The following PRKCE variants were observed in gnomAD, a reference collection of about 807,000 sequenced individuals.
PRKCE encodes the protein protein kinase C epsilon type.
PRKCE carries 16 observed loss-of-function variants against 85.4 expected under a neutral mutation model. That is an observed-to-expected ratio of 0.19 (90% CI 0.13 to 0.28). The LOEUF (loss-of-function observed/expected upper bound fraction) is 0.28. Among genes scored for constraint, PRKCE ranks in the 10% least tolerant of loss-of-function variants. PRKCE has a pLI of 1.00. For missense variants in PRKCE, 573 were observed against 975.2 expected, an observed-to-expected ratio of 0.59 and a Z score of 5.49; for synonymous variants, 388 against 371.5, an observed-to-expected ratio of 1.04 and a Z score of -0.51.
At chr2:45,823,275 C>T (rs1170564397) in intron 1 of PRKCE, among the ~76,000 whole-genome samples, 1 of 152,228 alleles carries the variant, frequency 6.6e-6, no homozygotes, top group Non-Finnish European at 1.5e-5. Flanking sequence ...AAACGACACA[C>T]CTGGATCTAT....
At chr2:45,744,501 T>TCC (rs1682946194) in intron 1 of PRKCE, among the ~76,000 whole-genome samples, 1 of 28,810 alleles carries the variant, frequency 3.5e-5, no homozygotes, top group Non-Finnish European at 7.4e-5. Flanking sequence ...CTTTCTTTCT[T>TCC]TTCTTTCTTT....
intron 2 of PRKCE, among the ~76,000 whole-genome samples, chr2:45,942,676 G>A (rs1378524517): frequency 6.6e-6 from 1 of 152,160 alleles, no homozygotes; most frequent in Admixed American, 6.5e-5. Flanking sequence ...GTGCTTTGTT[G>A]TGTAAGCACG....
intron 1 of PRKCE, among the ~76,000 whole-genome samples, chr2:45,667,048 T>A (rs978075736): frequency 6.6e-6 from 1 of 152,130 alleles, no homozygotes; most frequent in African/African-American, 2.4e-5. Context: ...CAGTGGCTCA[T>A]GCCTGTAATC....
At chr2:45,952,823 T>C (rs1315514285) in intron 2 of PRKCE, among the ~76,000 whole-genome samples, 1 of 152,238 alleles carries the variant, frequency 6.6e-6, no homozygotes, top group Non-Finnish European at 1.5e-5. Context: ...GGCTATTATG[T>C]GCCATGTCAC....
chr2:45,929,493 A>T (rs1698875102), intron 2 of PRKCE, among the ~76,000 whole-genome samples: 1 of 152,110 alleles, frequency 6.6e-6, no homozygotes, highest in South Asian at 2.1e-4. Flanking sequence ...CATGAAAGAA[A>T]AGATGCAGGA....
intron 10 of PRKCE, among the ~76,000 whole-genome samples, chr2:46,050,561 A>G (rs1016659395): frequency 3.3e-5 from 5 of 152,162 alleles, no homozygotes; most frequent in Admixed American, 2.6e-4. Flanking sequence ...ATGGATTATA[A>G]AATATTAGCT....
At chr2:45,775,224 T>G (rs933690768) in intron 1 of PRKCE, among the ~76,000 whole-genome samples, 1 of 152,196 alleles carries the variant, frequency 6.6e-6, no homozygotes, top group African/African-American at 2.4e-5. Context: ...TTTCCTGTGG[T>G]CATTTGGTTA....
intron 1 of PRKCE, among the ~76,000 whole-genome samples, chr2:45,717,302 A>G (rs1680216581): frequency 6.6e-6 from 1 of 152,178 alleles, no homozygotes; most frequent in South Asian, 2.1e-4. Context: ...CTATGGGTTA[A>G]AGAGCAGCAC....
rs902186078 is a variant in PRKCE, at chr2:46,155,126, A to T, written c.1920+3897A>T. On this transcript the variant is annotated intron_variant, in intron 13 of 14. Transcript: ENST00000306156. The surrounding 1 kb of genome is among the most constrained non-coding windows in gnomAD (Gnocchi z 4.7). Reference sequence around the variant, plus strand: ...GCAGGGTAAACGGAGACCCCTCATGATCCCCCAGCAGCAACGAGGACTTCA... The same window carrying T: ...GCAGGGTAAACGGAGACCCCTCATGTTCCCCCAGCAGCAACGAGGACTTCA... Among the ~76,000 whole-genome samples the T allele has an allele frequency of 6.6e-6, 1 of 152,178 alleles. No homozygotes were observed. The highest frequency in any genetic ancestry group is 6.5e-5 in the Admixed American group (1 of 15,274).
chr2:46,053,615 T>G (rs1416241288), intron 10 of PRKCE, among the ~76,000 whole-genome samples: 2 of 152,216 alleles, frequency 1.3e-5, no homozygotes, highest in South Asian at 2.1e-4. Flanking sequence ...TATCTTTTTG[T>G]GTCTGGCCTA....
intron 2 of PRKCE, among the ~76,000 whole-genome samples, chr2:45,855,900 ACTGACCTACCTT>A (rs2105600110): frequency 6.6e-6 from 1 of 152,050 alleles, no homozygotes; most frequent in Admixed American, 6.5e-5. Flanking sequence ...TGCCCCTAAC[ACTGACCTACCTT>A]CTGTCTTTGC....
chr2:45,661,523 G>GTTTTTTTTTTTTTTTTT lies in PRKCE; in HGVS notation c.348+9081_348+9082insTTTTTTTTTTTTTTTTT, dbSNP rs367628974. Among the ~76,000 whole-genome samples the GTTTTTTTTTTTTTTTTT allele has an allele frequency of 9.3e-5, 9 of 96,666 alleles. 1 individual carries two copies. The highest frequency in any genetic ancestry group is 1.5e-4 in the African/African-American group (4 of 25,842). The allele number at this position is 96,666 out of a possible 152,430, so 63.4% of individuals were successfully genotyped here. A position where few individuals can be genotyped will look rare whatever the true frequency, so the allele number is the denominator to read the frequency against. ...TTTTTTTTGTTTTGTTTTGTTTTTTGTTTTTTGTTTTTTTTTTTTTTTTTA... is the reference window on the plus strand; with the variant it reads ...TTTTTTTTGTTTTGTTTTGTTTTTTGTTTTTTTTTTTTTTTTTTTTTTTGTTTTTTTTTTTTTTTTTA... On this transcript the variant is annotated intron_variant, in intron 1 of 14. Transcript: ENST00000306156.
At chr2:45,925,987 G>C (rs1356707609) in intron 2 of PRKCE, among the ~76,000 whole-genome samples, 1 of 152,202 alleles carries the variant, frequency 6.6e-6, no homozygotes, top group Non-Finnish European at 1.5e-5. Context: ...AATCAGGTTG[G>C]GAGAATTCAG....
chr2:46,006,658 T>G (rs953505315), intron 8 of PRKCE, among the ~76,000 whole-genome samples: 3 of 152,206 alleles, frequency 2.0e-5, no homozygotes, highest in Non-Finnish European at 4.4e-5. Context: ...AGTGCGTGTC[T>G]TGATGAATGA....
At chr2:46,108,054 A>G (rs751498707) in intron 11 of PRKCE, among the ~76,000 whole-genome samples, 7 of 152,126 alleles carry the variant, frequency 4.6e-5, no homozygotes, top group African/African-American at 9.7e-5. Flanking sequence ...CAGTCACCCA[A>G]GTAGCTGGGG....
intron 1 of PRKCE, among the ~76,000 whole-genome samples, chr2:45,726,479 A>G (rs193211821): frequency 1.5e-3 from 226 of 152,332 alleles, no homozygotes; most frequent in African/African-American, 4.9e-3. Flanking sequence ...AACGTGTGCT[A>G]AAGGCTCAGA....
At chr2:45,776,806 G>A (rs1685784589) in intron 1 of PRKCE, among the ~76,000 whole-genome samples, 1 of 152,206 alleles carries the variant, frequency 6.6e-6, no homozygotes, top group South Asian at 2.1e-4. Context: ...CTTTTGTCAT[G>A]TATGCCTCTG....
chr2:46,050,184 T>A (rs1271223827), intron 10 of PRKCE, among the ~76,000 whole-genome samples: 1 of 152,184 alleles, frequency 6.6e-6, no homozygotes, highest in African/African-American at 2.4e-5. Flanking sequence ...CATTTACCGT[T>A]CACAAGAAAA....
chr2:45,744,084 AC>A (rs1292631286), intron 1 of PRKCE, among the ~76,000 whole-genome samples: 1 of 151,618 alleles, frequency 6.6e-6, no homozygotes, highest in Non-Finnish European at 1.5e-5. Context: ...CTGGACCACC[AC>A]AAGCTGAGTA....
Sources: gnomAD v4.1 joint callset for allele counts (sites outside exome capture counted in the v4.1 genomes callset) on GRCh38, gnomAD v4.1.1 for gene constraint, Gnocchi (gnomAD v3.1) non-coding constraint, MANE v1.5 for transcripts, NCBI Gene and HGNC (gene_info 2026-07-23, HGNC 2026-07-21) for gene names.